The following EPM2A variants were observed in gnomAD, a reference collection of about 807,000 sequenced individuals.
EPM2A encodes the protein laforin.
In EPM2A, 21 loss-of-function variants were observed where a neutral mutation model predicts 26.5. The observed-to-expected ratio is 0.79, with a 90% CI of 0.56 to 1.14. EPM2A has a LOEUF of 1.14. Among genes scored for constraint, EPM2A ranks in the 50% most tolerant of loss-of-function variants. EPM2A has a pLI of 0.00. For synonymous variants in EPM2A, 217 were observed against 177.6 expected (o/e 1.22, Z -1.76); for missense variants, 458 against 440.8 (o/e 1.04, Z -0.35).
intron 4 of EPM2A, among the ~76,000 whole-genome samples, chr6:145,467,274 G>T (rs530965352): frequency 6.6e-4 from 100 of 151,946 alleles, no homozygotes; most frequent in African/African-American, 2.3e-3. Flanking sequence ...TGCGAGGTAG[G>T]GCAAAACTTA....
At chr6:145,610,688 G>A (rs1240958305) in intron 2 of EPM2A, among the ~76,000 whole-genome samples, 5 of 152,196 alleles carry the variant, frequency 3.3e-5, no homozygotes, top group African/African-American at 1.2e-4. Context: ...CTACATTTCT[G>A]AAGAAATCAG....
In EPM2A at chr6:145,432,903, C is replaced by T. The variant is rs534857910; in HGVS notation, c.556-48806G>A. Among the ~76,000 whole-genome samples the T allele has an allele frequency of 1.8e-3, 275 of 152,292 alleles. 1 individual carries two copies. Among genetic ancestry groups the T allele is most frequent in the African/African-American group, 6.2e-3 (256 of 41,566 alleles). ...CAATTGCTTTTTTACCTTGTACTTT[C>T]ATGTTACAGTGATGGCTTCTTTCTT... On this transcript the variant is annotated intron_variant, in intron 4 of 4. Transcript: ENST00000638717.
At chr6:145,632,586 A>G (rs1776346726) in intron 3 of EPM2A, among the ~76,000 whole-genome samples, 1 of 152,222 alleles carries the variant, frequency 6.6e-6, no homozygotes, top group South Asian at 2.1e-4. Context: ...AAAAGCATGC[A>G]AGAGTAAGGA....
intron 2 of EPM2A, among the ~76,000 whole-genome samples, chr6:145,525,689 CT>C (rs1780261713): frequency 6.6e-6 from 1 of 151,926 alleles, no homozygotes; most frequent in African/African-American, 2.4e-5. Context: ...TTCTAGGAGA[CT>C]TTTGGTGGAA....
At chr6:145,424,626 A>T (rs1778828736) in intron 4 of EPM2A, among the ~76,000 whole-genome samples, 1 of 152,190 alleles carries the variant, frequency 6.6e-6, no homozygotes, top group African/African-American at 2.4e-5. Flanking sequence ...TCATATTTGG[A>T]AATCTAATCC....
At chr6:145,447,154 T>C (rs1399285515) in intron 4 of EPM2A, among the ~76,000 whole-genome samples, 1 of 152,136 alleles carries the variant, frequency 6.6e-6, no homozygotes, top group Non-Finnish European at 1.5e-5. Flanking sequence ...GTAAAAAAGA[T>C]ACTCAATAAA....
chr6:145,735,459 C>T lies in EPM2A; in HGVS notation c.40G>A (p.Ala14Thr), dbSNP rs1346203254. ...RFGVVVPPAV[A>T]GARPELLVVG... ...ACCAGCAGCTCCGGCCGGGCGCCGG[C>T]CACGGCGGGTGGCACCACCACCCCA... is the stretch of plus-strand genomic sequence containing the variant. Residue 14 changes from alanine (A) to threonine (T), a missense_variant, in exon 1 of 4, where the codon GCC becomes ACC. Ala to Thr is a moderately conservative substitution (Grantham distance 58). Transcript: ENST00000367519. 7 of 1,232,566 alleles carry T rather than the reference C, an allele frequency of 5.7e-6. No homozygotes were observed. Among genetic ancestry groups the T allele is most frequent in the Non-Finnish European group, 3.0e-6 (3 of 984,180 alleles). 76.4% of individuals were successfully genotyped at this position (1,232,566 alleles called of 1,614,324 possible).
At chr6:145,523,259 T>C (rs1192308738) in intron 2 of EPM2A, among the ~76,000 whole-genome samples, 1 of 152,168 alleles carries the variant, frequency 6.6e-6, no homozygotes, top group African/African-American at 2.4e-5. Context: ...TTTAGTGATA[T>C]GGGTTCACAT....
chr6:145,465,657 T>C (rs996375604), intron 4 of EPM2A, among the ~76,000 whole-genome samples: 3 of 152,024 alleles, frequency 2.0e-5, no homozygotes, highest in South Asian at 4.2e-4. Context: ...GGTGTGGATG[T>C]CCTTTCTGTT....
chr6:145,697,603 C>T (rs147513980), intron 1 of EPM2A, among the ~76,000 whole-genome samples: 1,652 of 152,116 alleles, frequency 0.011, 13 homozygotes, highest in Admixed American at 0.018. Flanking sequence ...AAAAGATGGC[C>T]GCCCCCCGAA....
At chr6:145,526,909 T>G (rs1392756304) in intron 2 of EPM2A, among the ~76,000 whole-genome samples, 2 of 152,026 alleles carry the variant, frequency 1.3e-5, no homozygotes, top group East Asian at 1.9e-4. Flanking sequence ...TGCTTTTTGA[T>G]GCAGGTGTTT....
intron 1 of EPM2A, among the ~76,000 whole-genome samples, chr6:145,716,472 G>T (rs924420100): frequency 2.6e-5 from 4 of 152,144 alleles, no homozygotes; most frequent in Non-Finnish European, 5.9e-5. Flanking sequence ...TTTTATGTTT[G>T]ACAGAAAAGA....
intron 4 of EPM2A, among the ~76,000 whole-genome samples, chr6:145,475,642 G>C (rs1004970447): frequency 7.9e-5 from 12 of 151,666 alleles, no homozygotes; most frequent in Admixed American, 7.9e-4. Flanking sequence ...AGAAAGTAGT[G>C]GGGATGAAGT....
intron 2 of EPM2A, among the ~76,000 whole-genome samples, chr6:145,506,554 A>T (rs1779976510): frequency 6.6e-6 from 1 of 151,710 alleles, no homozygotes; most frequent in South Asian, 2.1e-4. Context: ...TTAATTAAAA[A>T]TTAAATATAT....
intron 2 of EPM2A, among the ~76,000 whole-genome samples, chr6:145,521,527 T>C (rs1395321420): frequency 6.6e-6 from 1 of 152,218 alleles, no homozygotes; most frequent in Non-Finnish European, 1.5e-5. Context: ...AGGATTGAAC[T>C]TAACTAGGGC....
intron 2 of EPM2A, chr6:145,636,392 G>C (rs1562426023): frequency 6.6e-6 from 1 of 152,162 alleles, no homozygotes; most frequent in Non-Finnish European, 1.5e-5. Flanking sequence ...GGCTGAGGCA[G>C]AAGAATTGCT....
intron 1 of EPM2A, among the ~76,000 whole-genome samples, chr6:145,696,855 C>A (rs1330023004): frequency 6.8e-6 from 1 of 147,068 alleles, no homozygotes; most frequent in Non-Finnish European, 1.5e-5. Context: ...AAACTGATTA[C>A]TATGATTATT....
chr6:145,435,048 TC>T (rs1484045984), intron 4 of EPM2A, among the ~76,000 whole-genome samples: 4 of 152,104 alleles, frequency 2.6e-5, no homozygotes, highest in Non-Finnish European at 5.9e-5. Context: ...AAGTAAAAGC[TC>T]CCTGAGGCCT....
At chr6:145,571,833 C>A (rs751056921) in intron 2 of EPM2A, among the ~76,000 whole-genome samples, 2 of 152,130 alleles carry the variant, frequency 1.3e-5, no homozygotes, top group African/African-American at 4.8e-5. Flanking sequence ...AGAGGCTGAG[C>A]GGTGTCCACA....
Sources: gnomAD v4.1 joint callset for allele counts (sites outside exome capture counted in the v4.1 genomes callset) on GRCh38, gnomAD v4.1.1 for gene constraint, MANE v1.5 for transcripts, NCBI Gene and HGNC (gene_info 2026-07-23, HGNC 2026-07-21) for gene names.